Variants in TERF2IP observed in about 807,000 individuals in gnomAD.
TERF2IP encodes telomeric repeat-binding factor 2-interacting protein 1.
Under a neutral mutation model 33.3 loss-of-function variants are expected in TERF2IP, and 35 were observed. The ratio of observed to expected loss-of-function variants is 1.05; its 90% CI spans 0.80 to 1.39. TERF2IP has a LOEUF of 1.39. Among genes scored for constraint, TERF2IP ranks in the 40% most tolerant of loss-of-function variants. The pLI is 0.00. For missense variants in TERF2IP, 583 were observed against 524.8 expected (o/e 1.11, Z -1.08); for synonymous variants, 253 against 223.2 (o/e 1.13, Z -1.19).
Position 75,656,527 on chromosome 16 carries a change from AGATGATGAG to A in TERF2IP, c.1120_1128del (p.Asp374_Asp376del), listed in dbSNP as rs1204288864. 9 of 1,614,230 alleles carry A rather than the reference AGATGATGAG, an allele frequency of 5.6e-6. No individual in the cohort carries two copies. The highest frequency in any genetic ancestry group is 7.6e-6 in the Non-Finnish European group (9 of 1,180,044). ...GACAAGATGACATAGATTTGCAAAA[AGATGATGAG>A]GATACCAGAGAGGCATTGGTCAAAA... On this transcript the variant is annotated inframe_deletion, in exon 3 of 3. Coordinates refer to ENST00000300086, the MANE Select transcript of TERF2IP (RefSeq NM_018975.4).
At chr16:75,648,685 A>G in intron 1 of TERF2IP, 133 bp downstream of exon 1, 1 of 1,433,364 alleles carries the variant, frequency 7.0e-7, no homozygotes, top group Non-Finnish European at 9.1e-7. Flanking sequence ...ACATCCGGGT[A>G]AATTTGCACC....
chr16:75,647,845 C>G lies in TERF2IP; in HGVS notation c.-38C>G, dbSNP rs1865493. The G allele has an allele frequency of 0.16, 257,307 of 1,594,648 alleles. 40,157 individuals carry two copies. Among genetic ancestry groups the G allele is most frequent in the East Asian group, 0.75 (33,328 of 44,514 alleles). ...TTGAGCTCTGTGTGCCAGGCGCTCG[C>G]GAGGGGGTAGCTCTTCTAGTAGTGC... On this transcript the variant is annotated 5_prime_UTR_variant, in exon 1 of 3. Coordinates refer to ENST00000300086, the MANE Select transcript of TERF2IP (RefSeq NM_018975.4).
At position 75,656,566 on chromosome 16, in the gene TERF2IP, T is replaced by C. The variant is rs764603689; in HGVS notation, c.1155T>C (p.Phe385=). The change falls in exon 3 of 3, where the codon TTT becomes TTC. Residue 385 remains phenylalanine (F), a synonymous_variant. Transcript: ENST00000300086. ...CCAGAGAGGCATTGGTCAAAAAATT[T>C]GGTGCTCAGAATGTAGCTCGGAGGA... The part of the protein sequence containing the change: ...EDTREALVKK[F]GAQNVARRIE... The C allele has an allele frequency of 1.5e-5, 25 of 1,613,018 alleles. No individual in the cohort carries two copies. The African/African-American group carries it at 2.0e-4, about 13-fold the overall frequency.
In TERF2IP at chr16:75,656,662, A is replaced by T; in HGVS notation, c.*51A>T. 1 of 1,513,370 alleles carries T rather than the reference A, an allele frequency of 6.6e-7. No individual in the cohort carries two copies. Among genetic ancestry groups the T allele is most frequent in the Non-Finnish European group, 8.9e-7 (1 of 1,127,698 alleles). 93.7% of individuals were successfully genotyped at this position (1,513,370 alleles called of 1,614,324 possible). On this transcript the variant is annotated 3_prime_UTR_variant, in exon 3 of 3. Transcript: ENST00000300086. ...AAGTCATGGTAGGTGAGGTGGTTAAAAAAAATTGTGACCAATGAACTTTAG... is the reference window on the plus strand; with the variant it reads ...AAGTCATGGTAGGTGAGGTGGTTAATAAAAATTGTGACCAATGAACTTTAG...
intron 1 of TERF2IP, among the ~76,000 whole-genome samples, chr16:75,649,663 T>G (rs918198122): frequency 6.6e-6 from 1 of 152,162 alleles, no homozygotes; most frequent in African/African-American, 2.4e-5. Context: ...ATTGCTGTTA[T>G]GTTCAGGTAG....
intron 1 of TERF2IP, among the ~76,000 whole-genome samples, chr16:75,651,020 T>C (rs779301733): frequency 3.3e-5 from 5 of 152,162 alleles, no homozygotes; most frequent in Non-Finnish European, 7.3e-5. Context: ...ATCAGTATGG[T>C]GGGAGTTGCT....
chr16:75,648,682 G>T (rs1338740570), intron 1 of TERF2IP, 130 bp downstream of exon 1: 2 of 1,432,828 alleles, frequency 1.4e-6, no homozygotes, highest in Non-Finnish European at 9.1e-7. Flanking sequence ...TTGACATCCG[G>T]GTAAATTTGC....
chr16:75,654,474 T>A, intron 2 of TERF2IP, 77 bp downstream of exon 2: 1 of 1,471,824 alleles, frequency 6.8e-7, no homozygotes, highest in Non-Finnish European at 9.2e-7. Flanking sequence ...TGTACACCTT[T>A]TTCATCTACC....
At chr16:75,654,183 C>T in intron 1 of TERF2IP, 90 bp from the exon 2 acceptor site, 2 of 881,822 alleles carry the variant, frequency 2.3e-6, no homozygotes, top group Non-Finnish European at 3.1e-6. Flanking sequence ...AGTGCAGGCT[C>T]ACTCCTGGCC....
Position 75,648,228 on chromosome 16 carries a change from G to C in TERF2IP, c.346G>C (p.Gly116Arg), listed in dbSNP as rs367749459. 1.9e-5 allele frequency: 30 copies of C among 1,544,814 alleles called. No homozygotes were observed. The highest frequency in any genetic ancestry group is 9.5e-5 in the African/African-American group (7 of 73,332). Residue 116 changes from glycine to arginine, a missense_variant, in exon 1 of 3, where the codon GGG becomes CGG. By Grantham distance (125) the Gly-to-Arg change is moderately radical (BLOSUM62 -2). Coordinates refer to ENST00000300086, the MANE Select transcript of TERF2IP (RefSeq NM_018975.4). ...GGACACCGGCTCGGAAGCAAAGCCC[G>C]GGGCCCTGGCCGAGGGCGCCGCGGA... Reference protein sequence around the residue: ...AADTGSEAKPGALAEGAAEPE... With the variant: ...AADTGSEAKPRALAEGAAEPE...
In TERF2IP at chr16:75,648,169, T is replaced by C; in HGVS notation, c.287T>C (p.Leu96Pro). ...DCVERNERLELEAYRLGPASA... is the reference protein window; with the variant it reads ...DCVERNERLEPEAYRLGPASA... ...GTGGAGCGCAACGAGAGGCTGGAGCTGGAGGCCTATCGGCTGGGCCCCGCC... is the reference window on the plus strand; with the variant it reads ...GTGGAGCGCAACGAGAGGCTGGAGCCGGAGGCCTATCGGCTGGGCCCCGCC... Residue 96 changes from leucine (L) to proline (P), a missense_variant, in exon 1 of 3, where the codon CTG becomes CCG. Physicochemically the swap from Leu to Pro is moderately conservative, Grantham distance 98. Coordinates refer to ENST00000300086, the MANE Select transcript of TERF2IP (RefSeq NM_018975.4). 1.3e-6 allele frequency: 2 copies of C among 1,564,930 alleles called. No homozygotes were observed. Among genetic ancestry groups the C allele is most frequent in the Non-Finnish European group, 1.7e-6 (2 of 1,157,618 alleles).
chr16:75,653,596 T>C (rs1425798778), intron 1 of TERF2IP, among the ~76,000 whole-genome samples: 1 of 152,166 alleles, frequency 6.6e-6, no homozygotes, highest in African/African-American at 2.4e-5. Flanking sequence ...GCCCTCCTTT[T>C]TGTAGATGGT....
chr16:75,655,807 A>G (rs1483626791), intron 2 of TERF2IP, among the ~76,000 whole-genome samples: 1 of 152,212 alleles, frequency 6.6e-6, no homozygotes, highest in African/African-American at 2.4e-5. Flanking sequence ...AGGAGCTTAC[A>G]GTCTTGAGAG....
At chr16:75,648,822 G>A in intron 1 of TERF2IP, 1 of 888,802 alleles carries the variant, frequency 1.1e-6, no homozygotes, top group Middle Eastern at 2.7e-4. Flanking sequence ...CCAAAGTGTT[G>A]GGATTACAGG....
chr16:75,650,762 C>T (rs2151818041), intron 1 of TERF2IP, among the ~76,000 whole-genome samples: 1 of 152,218 alleles, frequency 6.6e-6, no homozygotes, highest in East Asian at 1.9e-4. Context: ...GTCTCGAACT[C>T]CTGGGCTCAA....
Position 75,647,781 on chromosome 16 carries a change from G to T in TERF2IP, c.-102G>T. The T allele has an allele frequency of 3.8e-6, 6 of 1,572,594 alleles. No homozygotes were observed. The highest frequency in any genetic ancestry group is 8.7e-7 in the Non-Finnish European group (1 of 1,146,338). On this transcript the variant is annotated 5_prime_UTR_variant, in exon 1 of 3. Transcript: ENST00000300086. Reference sequence around the variant, plus strand: ...TGCTGCTGCGCAGGCCCAGTGCTGCGCTTCGCGGCAGAGGCGTCTGCGGTG... The same window carrying T: ...TGCTGCTGCGCAGGCCCAGTGCTGCTCTTCGCGGCAGAGGCGTCTGCGGTG...
At chr16:75,653,654 G>T (rs2082363101) in intron 1 of TERF2IP, among the ~76,000 whole-genome samples, 1 of 152,152 alleles carries the variant, frequency 6.6e-6, no homozygotes, top group Non-Finnish European at 1.5e-5. Context: ...TTGGCTGCTA[G>T]GAGAGCTGCC....
intron 2 of TERF2IP, among the ~76,000 whole-genome samples, chr16:75,655,162 A>G (rs2082375681): frequency 6.6e-6 from 1 of 152,258 alleles, no homozygotes; most frequent in Non-Finnish European, 1.5e-5. Context: ...GATTACAGGC[A>G]TGTGCCATCA....
At position 75,648,372 on chromosome 16, in the gene TERF2IP, T is replaced by G; in HGVS notation, c.490T>G (p.Trp164Gly). 2 of 1,604,614 alleles carry G rather than the reference T, an allele frequency of 1.2e-6. No individual in the cohort carries two copies. Among genetic ancestry groups the G allele is most frequent in the East Asian group, 2.2e-5 (1 of 44,546 alleles). The change falls in exon 1 of 3, where the codon TGG becomes GGG. Residue 164 changes from tryptophan (W) to glycine (G), a missense_variant. Transcript: ENST00000300086. ...CAGCTCCGTCACCGGTAACGCCTTG[T>G]GGAAAGCGATGGAGAAGAGCTCGCT... ...SPSSVTGNAL[W>G]KAMEKSSLTQ...
Sources: gnomAD v4.1 joint callset for allele counts (sites outside exome capture counted in the v4.1 genomes callset) on GRCh38, gnomAD v4.1.1 for gene constraint, MANE v1.5 for transcripts, NCBI Gene and HGNC (gene_info 2026-07-23, HGNC 2026-07-21) for gene names.